NRXN1: variants seen among roughly 807,000 people sequenced by gnomAD.
NRXN1 encodes neurexin 1, also known as neurexin-1.
NRXN1 carries 39 observed loss-of-function variants against 150.9 expected under a neutral mutation model. That is an observed-to-expected ratio of 0.26 (90% confidence interval 0.20 to 0.34). NRXN1 has a LOEUF of 0.34. Ranked by LOEUF, NRXN1 falls within the 10% of genes least tolerant of loss-of-function variation. The probability of loss-of-function intolerance (pLI) is 1.00; values close to 1 mark genes in which losing one functional copy is unlikely to be tolerated. For synonymous variants in NRXN1, 924 were observed against 757.0 expected (o/e 1.22, Z -3.62); for missense variants, 1,815 against 1,949.9 (o/e 0.93, Z 1.30).
intron 3 of NRXN1, among the ~76,000 whole-genome samples, chr2:50,924,700 A>C (rs1439175060): frequency 6.6e-6 from 1 of 151,766 alleles, no homozygotes. Context: ...TACAACACTT[A>C]GAAAATAGTA....
chr2:50,495,566 T>A (rs565959073), intron 15 of NRXN1, among the ~76,000 whole-genome samples: 1 of 152,248 alleles, frequency 6.6e-6, no homozygotes, highest in South Asian at 2.1e-4. Context: ...TATATCTGGT[T>A]CCCTGACTCC....
intron 5 of NRXN1, among the ~76,000 whole-genome samples, chr2:50,826,399 C>A (rs1452448789): frequency 5.9e-5 from 9 of 152,118 alleles, no homozygotes; most frequent in Admixed American, 5.2e-4. Flanking sequence ...AGGTATGATG[C>A]AGCCTGGAGT....
chr2:51,017,255 T>A (rs1389768301), intron 2 of NRXN1, among the ~76,000 whole-genome samples: 1 of 151,566 alleles, frequency 6.6e-6, no homozygotes, highest in Non-Finnish European at 1.5e-5. Flanking sequence ...AAGTATAATT[T>A]AAAAAAATAA....
At chr2:50,261,185 C>T (rs2068231505) in intron 17 of NRXN1, among the ~76,000 whole-genome samples, 1 of 151,664 alleles carries the variant, frequency 6.6e-6, no homozygotes, top group South Asian at 2.1e-4. Flanking sequence ...CTCTGAAGCC[C>T]CGAGGAATAT....
chr2:50,974,032 G>C (rs1695436144), intron 2 of NRXN1, among the ~76,000 whole-genome samples: 1 of 152,004 alleles, frequency 6.6e-6, no homozygotes, highest in African/African-American at 2.4e-5. Context: ...GAAATTATTT[G>C]CACATTACAG....
At chr2:50,246,659 G>T (rs2066532765) in intron 17 of NRXN1, among the ~76,000 whole-genome samples, 1 of 151,868 alleles carries the variant, frequency 6.6e-6, no homozygotes. Context: ...ATTTACCTAG[G>T]CATTCACAAA....
chr2:50,579,403 G>A (rs550580280), intron 8 of NRXN1, among the ~76,000 whole-genome samples: 15 of 152,320 alleles, frequency 9.8e-5, no homozygotes, highest in African/African-American at 2.4e-4. Flanking sequence ...GCTGATGCCC[G>A]TTATCCTGGT....
In NRXN1 at chr2:49,922,151, G is replaced by A. The variant is rs571834255; in HGVS notation, c.4317C>T (p.Ala1439=). 8 of 1,614,100 alleles carry A rather than the reference G, an allele frequency of 5.0e-6. No individual in the cohort carries two copies. Among genetic ancestry groups the A allele is most frequent in the African/African-American group, 2.7e-5 (2 of 75,030 alleles). The change falls in exon 23 of 23, where the codon GCC becomes GCT. Residue 1439 remains alanine (A), a synonymous_variant. Coordinates refer to ENST00000401669, the MANE Select transcript of NRXN1 (RefSeq NM_001330078.2). ...STTGMVVGIV[A]AAALCILILL... is the part of the protein sequence containing the mutation. The stretch of plus-strand genomic sequence containing the variant: ...GGATAAGGATGCACAGGGCGGCAGC[G>A]GCTACTATCCCAACGACCATACCCG...
At chr2:50,927,559 C>T (rs932639968) in intron 2 of NRXN1, among the ~76,000 whole-genome samples, 1 of 151,896 alleles carries the variant, frequency 6.6e-6, no homozygotes, top group African/African-American at 2.4e-5. Flanking sequence ...TGATGTTACA[C>T]AAACACAAAT....
chr2:50,550,727 G>T (rs1302932601), intron 9 of NRXN1, among the ~76,000 whole-genome samples: 1 of 147,222 alleles, frequency 6.8e-6, no homozygotes, highest in Admixed American at 6.7e-5. Context: ...TATCTCCCAG[G>T]CTGGAGTGCC....
intron 8 of NRXN1, among the ~76,000 whole-genome samples, chr2:50,610,990 C>T (rs1185056971): frequency 6.7e-6 from 1 of 149,522 alleles, no homozygotes; most frequent in Non-Finnish European, 1.5e-5. Context: ...AAGTCATCTA[C>T]CTGACTTGGC....
intron 2 of NRXN1, among the ~76,000 whole-genome samples, chr2:50,970,099 A>C (rs1215252162): frequency 6.6e-6 from 1 of 152,142 alleles, no homozygotes; most frequent in Non-Finnish European, 1.5e-5. Flanking sequence ...CCTACAGTCA[A>C]ACAAGGTATA....
chr2:50,437,685 G>A (rs946081472), intron 17 of NRXN1, among the ~76,000 whole-genome samples: 3 of 150,206 alleles, frequency 2.0e-5, no homozygotes, highest in African/African-American at 7.5e-5. Flanking sequence ...ACTACTTCAT[G>A]ATACAGGGAG....
At chr2:50,685,917 C>G (rs1452027774) in intron 5 of NRXN1, among the ~76,000 whole-genome samples, 1 of 152,058 alleles carries the variant, frequency 6.6e-6, no homozygotes, top group East Asian at 1.9e-4. Flanking sequence ...TTTTCCTACA[C>G]TCAAGTTTAA....
intron 18 of NRXN1, among the ~76,000 whole-genome samples, chr2:50,185,041 A>T (rs1025846459): frequency 1.3e-5 from 2 of 152,046 alleles, no homozygotes; most frequent in African/African-American, 2.4e-5. Flanking sequence ...AGGTAGTGTG[A>T]CCTTGGAGGA....
At chr2:50,014,013 A>T (rs1573409283) in intron 21 of NRXN1, among the ~76,000 whole-genome samples, 1 of 152,212 alleles carries the variant, frequency 6.6e-6, no homozygotes, top group South Asian at 2.1e-4. Flanking sequence ...TGGATAAGCT[A>T]GTAGGAGGCT....
At chr2:50,642,266 G>C (rs1431954375) in intron 5 of NRXN1, among the ~76,000 whole-genome samples, 3 of 151,908 alleles carry the variant, frequency 2.0e-5, no homozygotes, top group African/African-American at 7.3e-5. Flanking sequence ...CAATGCAAAG[G>C]GGGATACAAG....
intron 18 of NRXN1, among the ~76,000 whole-genome samples, chr2:50,126,799 C>A (rs748424852): frequency 1.3e-5 from 2 of 152,072 alleles, no homozygotes; most frequent in African/African-American, 2.4e-5. Flanking sequence ...TTATGCATTG[C>A]TGCCTGTCCC....
intron 5 of NRXN1, among the ~76,000 whole-genome samples, chr2:50,735,421 A>T (rs1698614054): frequency 6.6e-6 from 1 of 152,300 alleles, no homozygotes; most frequent in South Asian, 2.1e-4. Context: ...AATGAGATGG[A>T]GACAGAAAGA....
Sources: allele counts gnomAD v4.1 joint callset (sites outside exome capture counted in the v4.1 genomes callset), GRCh38; gene constraint gnomAD v4.1.1; transcripts MANE v1.5; gene names NCBI Gene and HGNC (gene_info 2026-07-23, HGNC 2026-07-21).